DPYD: variants seen among roughly 807,000 people sequenced by gnomAD.
The protein encoded by DPYD is dihydropyrimidine dehydrogenase [NADP(+)].
Under a neutral mutation model 116.2 loss-of-function variants are expected in DPYD, and 109 were observed. The ratio of observed to expected loss-of-function variants is 0.94; its 90% confidence interval spans 0.80 to 1.10. DPYD has a LOEUF of 1.10. Ranked by LOEUF, DPYD falls within the 50% of genes least tolerant of loss-of-function variation. DPYD has a pLI of 0.00. For missense variants in DPYD, 1,302 were observed against 1,254.5 expected (o/e 1.04, Z -0.57); for synonymous variants, 440 against 432.0 (o/e 1.02, Z -0.23).
intron 16 of DPYD, among the ~76,000 whole-genome samples, chr1:97,359,832 C>A (rs1670623756): frequency 6.6e-6 from 1 of 152,144 alleles, no homozygotes; most frequent in Non-Finnish European, 1.5e-5. Context: ...AAGGAACAAC[C>A]AGTACCAGCC....
chr1:97,579,716 G>C (rs1231918602), intron 10 of DPYD, among the ~76,000 whole-genome samples: 1 of 152,190 alleles, frequency 6.6e-6, no homozygotes, highest in Non-Finnish European at 1.5e-5. Context: ...TTATTTGTTT[G>C]ATGGAGCATG....
intron 21 of DPYD, among the ~76,000 whole-genome samples, chr1:97,094,965 CA>C (rs772149977): frequency 1.3e-5 from 2 of 151,892 alleles, no homozygotes; most frequent in Non-Finnish European, 2.9e-5. Flanking sequence ...AGGTTAATAT[CA>C]GAAGGAAAAA....
chr1:97,227,263 A>T (rs1557953991), intron 19 of DPYD, among the ~76,000 whole-genome samples: 1 of 133,562 alleles, frequency 7.5e-6, no homozygotes, highest in Non-Finnish European at 1.6e-5. Context: ...GGAGGTGGAG[A>T]TTGCAGTGAG....
intron 18 of DPYD, among the ~76,000 whole-genome samples, chr1:97,282,579 T>C (rs1304289720): frequency 6.6e-6 from 1 of 152,142 alleles, no homozygotes; most frequent in Non-Finnish European, 1.5e-5. Flanking sequence ...AACTTTTTTC[T>C]TGCCAACATT....
intron 15 of DPYD, 113 bp from the exon 16 acceptor site, chr1:97,373,757 C>T: frequency 3.3e-6 from 3 of 902,198 alleles, no homozygotes; most frequent in South Asian, 2.8e-5. Context: ...ATTCTGTTTT[C>T]TGCATCACAG....
intron 13 of DPYD, among the ~76,000 whole-genome samples, chr1:97,450,767 G>C (rs1676370576): frequency 6.6e-6 from 1 of 151,734 alleles, no homozygotes; most frequent in South Asian, 2.1e-4. Context: ...TTACTTATAG[G>C]ATTATAACTA....
Position 97,740,389 on chromosome 1 carries a change from T to A in DPYD, c.321+3A>T. 6.2e-7 allele frequency: 1 copy of A among 1,608,576 alleles called. No homozygotes were observed. Among genetic ancestry groups the A allele is most frequent in the South Asian group, 1.1e-5 (1 of 90,980 alleles). ...TCATTTGCAGAGTTAAATCTGAATT[T>A]ACCTTGTTTGCAATACTTGTGATGA... On this transcript the variant is annotated splice_donor_region_variant and intron_variant, in intron 4 of 22. Transcript: ENST00000370192.
chr1:97,523,835 G>A (rs1007186530), intron 12 of DPYD, among the ~76,000 whole-genome samples: 3 of 152,124 alleles, frequency 2.0e-5, no homozygotes, highest in Admixed American at 6.5e-5. Flanking sequence ...GGGAGACAGA[G>A]GGGGAAATGA....
chr1:97,632,484 C>T (rs1396876951), intron 8 of DPYD, among the ~76,000 whole-genome samples: 4 of 152,126 alleles, frequency 2.6e-5, no homozygotes, highest in African/African-American at 7.2e-5. Context: ...TACTTCTAAA[C>T]TTGCTGAAAC....
chr1:97,914,175 T>C lies in DPYD; in HGVS notation c.39+6709A>G, dbSNP rs77655127. On this transcript the variant is annotated intron_variant, in intron 1 of 22. Coordinates refer to ENST00000370192, the MANE Select transcript of DPYD (RefSeq NM_000110.4). ...AGAAATGAAATTATTATAGCTAGTA[T>C]AAAAAGTGTAATATATGAGTCATCT... is the stretch of plus-strand genomic sequence containing the variant. 3.7e-3 allele frequency among the ~76,000 whole-genome samples: 557 copies of C among 152,258 alleles called. 7 individuals are homozygous for C. The highest frequency in any genetic ancestry group is 0.013 in the African/African-American group (527 of 41,542).
intron 2 of DPYD, among the ~76,000 whole-genome samples, chr1:97,876,057 T>C (rs1221454556): frequency 2.0e-5 from 3 of 151,968 alleles, no homozygotes; most frequent in African/African-American, 7.2e-5. Context: ...TAAATTAACT[T>C]GGGGATAGGA....
intron 16 of DPYD, among the ~76,000 whole-genome samples, chr1:97,353,044 C>A (rs919015134): frequency 3.3e-5 from 5 of 151,684 alleles, no homozygotes; most frequent in Non-Finnish European, 7.4e-5. Context: ...AACTGTCAGA[C>A]ACAAAACCCT....
chr1:97,796,559 T>G (rs565767453), intron 3 of DPYD, among the ~76,000 whole-genome samples: 1 of 151,972 alleles, frequency 6.6e-6, no homozygotes, highest in East Asian at 1.9e-4. Context: ...AATGCCAATA[T>G]AAAAAATACT....
At chr1:97,781,495 T>G (rs1456812728) in intron 3 of DPYD, among the ~76,000 whole-genome samples, 1 of 152,192 alleles carries the variant, frequency 6.6e-6, no homozygotes, top group Non-Finnish European at 1.5e-5. Context: ...AAGACATCCT[T>G]TCAACATCAT....
intron 5 of DPYD, among the ~76,000 whole-genome samples, chr1:97,705,293 C>A (rs1661866105): frequency 6.6e-6 from 1 of 152,086 alleles, no homozygotes. Flanking sequence ...TCCCCCCAAC[C>A]AACAACAGTC....
At chr1:97,330,181 A>C (rs1276084959) in intron 16 of DPYD, among the ~76,000 whole-genome samples, 1 of 152,184 alleles carries the variant, frequency 6.6e-6, no homozygotes, top group Admixed American at 6.6e-5. Flanking sequence ...ATAAAAATAA[A>C]TACTGATTTT....
rs538232390 is a variant in DPYD at position 97,086,322 on chromosome 1, T to C, written c.2767-3852A>G. Among the ~76,000 whole-genome samples, 10 of 151,652 alleles carry C rather than the reference T, an allele frequency of 6.6e-5. No individual in the cohort carries two copies. In the South Asian group the frequency reaches 2.1e-3, roughly 32 times the overall value. The stretch of plus-strand genomic sequence containing the variant: ...GCCTTGGCCTCCCAAAGTGCTGGGA[T>C]TACAGGCGTGAGCCACGGCGCCTGG... On this transcript the variant is annotated intron_variant, in intron 21 of 22. Coordinates refer to ENST00000370192, the MANE Select transcript of DPYD (RefSeq NM_000110.4).
intron 8 of DPYD, among the ~76,000 whole-genome samples, chr1:97,668,826 C>CA (rs1316492128): frequency 2.6e-5 from 4 of 151,286 alleles, no homozygotes; most frequent in Non-Finnish European, 2.9e-5. Context: ...GCTCAATAGA[C>CA]AAAACTACCA....
intron 20 of DPYD, among the ~76,000 whole-genome samples, chr1:97,132,464 A>G (rs1557882063): frequency 1.3e-5 from 2 of 152,190 alleles, no homozygotes; most frequent in African/African-American, 2.4e-5. Flanking sequence ...TATTTCTAAT[A>G]TAAAATAGGA....
Sources: allele counts gnomAD v4.1 joint callset (sites outside exome capture counted in the v4.1 genomes callset), GRCh38; gene constraint gnomAD v4.1.1; transcripts MANE v1.5; gene names NCBI Gene and HGNC (gene_info 2026-07-23, HGNC 2026-07-21).